TRIO: variants seen among roughly 807,000 people sequenced by gnomAD.
The protein encoded by TRIO is trio Rho guanine nucleotide exchange factor, also known as triple functional domain protein.
A neutral mutation model predicts 351.9 loss-of-function variants in TRIO; 58 were observed. The observed-to-expected ratio is 0.16, with a 90% CI of 0.13 to 0.21. The LOEUF (loss-of-function observed/expected upper bound fraction) is 0.21, where lower values mean the gene tolerates loss of function less well. Among genes scored for constraint, TRIO ranks in the 10% least tolerant of loss-of-function variants. TRIO has a pLI of 1.00. For missense variants in TRIO, 3,201 were observed against 4,027.8 expected, an observed-to-expected ratio of 0.79 and a Z score of 5.56; for synonymous variants, 1,758 against 1,595.7, an observed-to-expected ratio of 1.10 and a Z score of -2.42.
chr5:14,151,791 T>TA (rs766007631), intron 1 of TRIO, among the ~76,000 whole-genome samples: 3 of 152,236 alleles, frequency 2.0e-5, no homozygotes, highest in African/African-American at 7.2e-5. Context: ...ATGCCACTGA[T>TA]ACCTGTGAGA....
rs111593684 is a variant in TRIO, at chr5:14,481,161, TA to T, written c.6337-62del. The T allele has an allele frequency of 0.31, 388,336 of 1,251,816 alleles. 39,408 individuals carry two copies. The highest frequency in any genetic ancestry group is 0.41 in the Middle Eastern group (2,074 of 5,100). The allele number at this position is 1,251,816 out of a possible 1,614,324, so 77.5% of individuals were successfully genotyped here. Reference sequence around the variant, plus strand: ...AGTAACATAGTGAGACCCTGTCTCTTAAAAAAAAAAATAAAAGGTCAGCTGC... The same window carrying T: ...AGTAACATAGTGAGACCCTGTCTCTTAAAAAAAAAATAAAAGGTCAGCTGC... On this transcript the variant is annotated intron_variant, in intron 43 of 56. Transcript: ENST00000344204.
intron 1 of TRIO, among the ~76,000 whole-genome samples, chr5:14,186,428 CCCCGATGG>C (rs1790115535): frequency 6.6e-6 from 1 of 152,158 alleles, no homozygotes; most frequent in Non-Finnish European, 1.5e-5. Flanking sequence ...AAGTGAAAGG[CCCCGATGG>C]AACCTTTCTG....
At chr5:14,438,896 C>T (rs541471417) in intron 34 of TRIO, among the ~76,000 whole-genome samples, 1 of 152,362 alleles carries the variant, frequency 6.6e-6, no homozygotes, top group African/African-American at 2.4e-5. Context: ...CCATCTGACA[C>T]GCTCTGCAGT....
At chr5:14,372,470 G>A (rs1745206047) in intron 18 of TRIO, among the ~76,000 whole-genome samples, 1 of 152,126 alleles carries the variant, frequency 6.6e-6, no homozygotes, top group African/African-American at 2.4e-5. Flanking sequence ...TTAGTACCCA[G>A]TGGTAATAAC....
intron 25 of TRIO, 100 bp downstream of exon 25, chr5:14,389,498 G>T (rs902374956): frequency 3.6e-6 from 3 of 842,308 alleles, no homozygotes; most frequent in Non-Finnish European, 5.4e-6. Context: ...GCAGATTTCA[G>T]TGATTTTGTT....
chr5:14,203,837 G>A (rs750305690), intron 1 of TRIO, among the ~76,000 whole-genome samples: 5 of 152,184 alleles, frequency 3.3e-5, no homozygotes, highest in Admixed American at 6.5e-5. Context: ...GTGGGCTGAT[G>A]GCTTATTAGA....
intron 1 of TRIO, among the ~76,000 whole-genome samples, chr5:14,182,773 G>T (rs918499725): frequency 6.6e-6 from 1 of 152,014 alleles, no homozygotes; most frequent in African/African-American, 2.4e-5. Context: ...TGCTCCCTAG[G>T]TATGAATTTG....
At chr5:14,463,224 T>C (rs954365415) in intron 36 of TRIO, among the ~76,000 whole-genome samples, 5 of 152,220 alleles carry the variant, frequency 3.3e-5, no homozygotes, top group African/African-American at 1.2e-4. Flanking sequence ...TTTCCTAATG[T>C]ATTGACTAGA....
intron 2 of TRIO, among the ~76,000 whole-genome samples, chr5:14,276,694 T>C (rs1735549179): frequency 6.6e-6 from 1 of 152,216 alleles, no homozygotes; most frequent in South Asian, 2.1e-4. Context: ...AGTTGGTTCG[T>C]TGAAATTTAC....
chr5:14,183,741 C>A, intron 1 of TRIO: 1 of 486,780 alleles, frequency 2.1e-6, no homozygotes, highest in Non-Finnish European at 3.7e-6. Context: ...CTCCCGTTTG[C>A]TGAGGAGGGA....
At chr5:14,505,311 C>T (rs918111924) in intron 55 of TRIO, among the ~76,000 whole-genome samples, 1 of 152,264 alleles carries the variant, frequency 6.6e-6, no homozygotes, top group Non-Finnish European at 1.5e-5. Flanking sequence ...CAACCTCCTG[C>T]AAGGCAGGGA....
chr5:14,289,075 C>T (rs1178139950), intron 4 of TRIO, among the ~76,000 whole-genome samples: 3 of 151,818 alleles, frequency 2.0e-5, no homozygotes, highest in Admixed American at 2.0e-4. Flanking sequence ...GAGCCTGTCT[C>T]TATATTTTGT....
intron 1 of TRIO, among the ~76,000 whole-genome samples, chr5:14,223,220 A>G (rs1311603683): frequency 5.3e-5 from 8 of 152,206 alleles, no homozygotes; most frequent in Non-Finnish European, 1.2e-4. Context: ...CTATGATTCT[A>G]TCTTTTGGAA....
intron 1 of TRIO, among the ~76,000 whole-genome samples, chr5:14,180,100 CAAAAAAAAAAAAAAA>C (rs70964542): frequency 3.6e-5 from 1 of 27,752 alleles, no homozygotes; most frequent in Non-Finnish European, 7.0e-5. Context: ...GACTCCTGCT[CAAAAAAAAAAAAAAA>C]AAAAAAAAAA....
At chr5:14,163,558 A>G (rs773325452) in intron 1 of TRIO, among the ~76,000 whole-genome samples, 6 of 152,184 alleles carry the variant, frequency 3.9e-5, no homozygotes, top group Admixed American at 1.3e-4. Context: ...CTGTCTCTCT[A>G]TTCTAGCCTG....
chr5:14,324,335 C>T (rs149281931), intron 9 of TRIO, among the ~76,000 whole-genome samples: 6 of 152,192 alleles, frequency 3.9e-5, no homozygotes, highest in South Asian at 2.1e-4. Flanking sequence ...TTTTTGTGTG[C>T]GTAAGATGTG....
intron 11 of TRIO, among the ~76,000 whole-genome samples, chr5:14,351,347 T>C (rs1203293684): frequency 1.3e-5 from 2 of 152,236 alleles, no homozygotes; most frequent in Admixed American, 6.5e-5. Flanking sequence ...TCACATTTTA[T>C]GTGCATAGTG....
At chr5:14,421,083 C>T (rs1485615487) in intron 34 of TRIO, among the ~76,000 whole-genome samples, 1 of 152,076 alleles carries the variant, frequency 6.6e-6, no homozygotes, top group African/African-American at 2.4e-5. Context: ...TCACTCTGCC[C>T]CTCACAAACC....
At chr5:14,355,786 G>A (rs887882538) in intron 11 of TRIO, among the ~76,000 whole-genome samples, 4 of 152,198 alleles carry the variant, frequency 2.6e-5, no homozygotes, top group African/African-American at 9.6e-5. Context: ...CAGAGCATCA[G>A]TTCAGATTTG....
Sources: allele counts gnomAD v4.1 joint callset (sites outside exome capture counted in the v4.1 genomes callset), GRCh38; gene constraint gnomAD v4.1.1; transcripts MANE v1.5; gene names NCBI Gene and HGNC (gene_info 2026-07-23, HGNC 2026-07-21).